PPP2R3C: variants seen among roughly 807,000 people sequenced by gnomAD.
PPP2R3C encodes the protein protein phosphatase 2 regulatory subunit B''gamma.
PPP2R3C carries 47 observed loss-of-function variants against 63.7 expected under a neutral mutation model. The observed-to-expected ratio is 0.74, with a 90% CI of 0.58 to 0.94. The LOEUF (loss-of-function observed/expected upper bound fraction) is 0.94, where lower values mean the gene tolerates loss of function less well. PPP2R3C is among the 40% of genes least tolerant of loss of function. The pLI is 0.00. For missense variants in PPP2R3C, 421 were observed against 518.4 expected (o/e 0.81, Z 1.82); for synonymous variants, 180 against 177.4 (o/e 1.01, Z -0.12).
intron 6 of PPP2R3C, among the ~76,000 whole-genome samples, chr14:35,104,184 T>G (rs191826538): frequency 4.6e-5 from 7 of 152,260 alleles, no homozygotes; most frequent in East Asian, 3.9e-4. Flanking sequence ...GGACCTGACC[T>G]CTAAACGAGT....
chr14:35,094,831 A>C (rs2045943431), intron 10 of PPP2R3C, among the ~76,000 whole-genome samples: 1 of 152,084 alleles, frequency 6.6e-6, no homozygotes, highest in South Asian at 2.1e-4. Context: ...GCATGCACCC[A>C]TAATCCCAGC....
chr14:35,085,853 G>A (rs2045575606), intron 12 of PPP2R3C, 75 bp from the exon 13 acceptor site: 3 of 1,234,616 alleles, frequency 2.4e-6, no homozygotes, highest in East Asian at 4.9e-5. Flanking sequence ...AAAATTCAGG[G>A]CTGTTTGCAT....
rs1272716914 is a variant in PPP2R3C, at chr14:35,088,028, A to T, written c.1114-18T>A. The T allele has an allele frequency of 6.5e-7, 1 of 1,538,846 alleles. No individual in the cohort carries two copies. Among genetic ancestry groups the T allele is most frequent in the Non-Finnish European group, 9.0e-7 (1 of 1,112,300 alleles). On this transcript the variant is annotated intron_variant, in intron 11 of 12. Transcript: ENST00000261475. ...TGTATGGCCTGTATTTAATAGAAAT[A>T]AATCTGTAAATAAAAAATGAAATAC...
chr14:35,103,808 T>C (rs578101415), intron 6 of PPP2R3C, among the ~76,000 whole-genome samples: 1 of 152,350 alleles, frequency 6.6e-6, no homozygotes, highest in Non-Finnish European at 1.5e-5. Context: ...AATAAGTGAA[T>C]AAAACTTTGT....
At chr14:35,119,377 C>T (rs2046797132) in intron 1 of PPP2R3C, among the ~76,000 whole-genome samples, 1 of 151,990 alleles carries the variant, frequency 6.6e-6, no homozygotes, top group African/African-American at 2.4e-5. Flanking sequence ...GCTCTTGTCA[C>T]CCAGGCTGCA....
intron 2 of PPP2R3C, among the ~76,000 whole-genome samples, chr14:35,115,961 C>T (rs534525854): frequency 2.0e-5 from 3 of 152,012 alleles, no homozygotes; most frequent in East Asian, 1.9e-4. Context: ...ATCTATTTTT[C>T]GGTTTAGCCT....
chr14:35,085,924 T>C, intron 12 of PPP2R3C, 146 bp from the exon 13 acceptor site: 1 of 654,940 alleles, frequency 1.5e-6, no homozygotes, highest in Non-Finnish European at 2.4e-6. Flanking sequence ...TAATTTTTTG[T>C]TCTACTTTTT....
At chr14:35,089,074 G>A (rs561522667) in intron 11 of PPP2R3C, among the ~76,000 whole-genome samples, 4 of 152,146 alleles carry the variant, frequency 2.6e-5, no homozygotes, top group African/African-American at 9.6e-5. Context: ...CAGATGAGCC[G>A]CTGATATAAG....
At chr14:35,096,360 G>T (rs1355886734) in intron 9 of PPP2R3C, among the ~76,000 whole-genome samples, 198 bp downstream of exon 9, 1 of 152,078 alleles carries the variant, frequency 6.6e-6, no homozygotes, top group Admixed American at 6.6e-5. Flanking sequence ...TCTTCAAAAA[G>T]AAAAGGTTGG....
chr14:35,089,092 A>T (rs1226282416), intron 11 of PPP2R3C, among the ~76,000 whole-genome samples: 1 of 152,052 alleles, frequency 6.6e-6, no homozygotes, highest in Non-Finnish European at 1.5e-5. Context: ...AAGCCCATAT[A>T]GCATTCAGTT....
At chr14:35,099,722 C>T in intron 6 of PPP2R3C, 1 of 192,512 alleles carries the variant, frequency 5.2e-6, no homozygotes, top group Non-Finnish European at 1.0e-5. Context: ...TGAACCAATA[C>T]ATATATATTT....
chr14:35,122,035 C>A, upstream of PPP2R3C: 1 of 1,526,010 alleles, frequency 6.6e-7, no homozygotes, highest in African/African-American at 1.4e-5. Flanking sequence ...GGCGTCAGCA[C>A]CGCCAGGCCC....
chr14:35,102,199 T>C (rs2046219249), intron 6 of PPP2R3C: 1 of 152,140 alleles, frequency 6.6e-6, no homozygotes, highest in South Asian at 2.1e-4. Context: ...AATTTTTGTA[T>C]TTTTAGTAGA....
At chr14:35,096,294 C>T (rs566157242) in intron 9 of PPP2R3C, among the ~76,000 whole-genome samples, 1 of 152,242 alleles carries the variant, frequency 6.6e-6, no homozygotes, top group South Asian at 2.1e-4. Context: ...TTCAAGGCTG[C>T]ACTGAGCCGT....
chr14:35,113,299 T>C (rs955453900), intron 2 of PPP2R3C, among the ~76,000 whole-genome samples: 11 of 151,804 alleles, frequency 7.2e-5, no homozygotes, highest in Admixed American at 5.3e-4. Context: ...AGTGGGACCA[T>C]GGAGAGGAAG....
intron 6 of PPP2R3C, chr14:35,102,851 C>T (rs2046243040): frequency 6.6e-6 from 1 of 152,316 alleles, no homozygotes; most frequent in Non-Finnish European, 1.5e-5. Flanking sequence ...ACCTCCATCC[C>T]CTGGGTTCAA....
chr14:35,089,862 T>C (rs1226212141), intron 11 of PPP2R3C, among the ~76,000 whole-genome samples: 5 of 151,928 alleles, frequency 3.3e-5, no homozygotes, highest in Non-Finnish European at 5.9e-5. Flanking sequence ...GAGATGGGTT[T>C]CACCATGTTA....
chr14:35,113,507 A>C (rs2046624960), intron 2 of PPP2R3C, among the ~76,000 whole-genome samples: 1 of 152,136 alleles, frequency 6.6e-6, no homozygotes, highest in South Asian at 2.1e-4. Flanking sequence ...ACGGGGTCAC[A>C]CCATTCCTAT....
At chr14:35,088,109 A>C (rs778795347) in intron 11 of PPP2R3C, 99 bp from the exon 12 acceptor site, 2 of 845,122 alleles carry the variant, frequency 2.4e-6, no homozygotes, top group Non-Finnish European at 4.0e-6. Context: ...CTTTCCTATC[A>C]GGCCACAAAC....
Sources: gnomAD v4.1 joint callset for allele counts (sites outside exome capture counted in the v4.1 genomes callset) on GRCh38, gnomAD v4.1.1 for gene constraint, MANE v1.5 for transcripts, NCBI Gene and HGNC (gene_info 2026-07-23, HGNC 2026-07-21) for gene names.